PTPRD: variants seen among roughly 807,000 people sequenced by gnomAD.
PTPRD encodes the protein protein tyrosine phosphatase receptor type D.
A neutral mutation model predicts 214.5 loss-of-function variants in PTPRD; 34 were observed. The ratio of observed to expected loss-of-function variants is 0.16; its 90% CI spans 0.12 to 0.21. The LOEUF is 0.21. Among genes scored for constraint, PTPRD ranks in the 10% least tolerant of loss-of-function variants. The pLI is 1.00. For synonymous variants in PTPRD, 1,128 were observed against 845.7 expected, an observed-to-expected ratio of 1.33 and a Z score of -5.79; for missense variants, 2,545 against 2,398.7, an observed-to-expected ratio of 1.06 and a Z score of -1.27.
chr9:10,066,082 C>A (rs1055916865), intron 3 of PTPRD, among the ~76,000 whole-genome samples: 3 of 151,780 alleles, frequency 2.0e-5, no homozygotes, highest in African/African-American at 7.2e-5. Flanking sequence ...AATATTTGTC[C>A]CTAGTAAAGT....
intron 12 of PTPRD, among the ~76,000 whole-genome samples, chr9:8,720,393 T>C (rs10977260): frequency 0.058 from 8,818 of 152,224 alleles, 383 homozygotes; most frequent in Non-Finnish European, 0.094. Context: ...ACCCTCCTAT[T>C]ACTGATCAAA....
intron 39 of PTPRD, among the ~76,000 whole-genome samples, chr9:8,351,704 TA>T (rs1021497722): frequency 8.2e-6 from 1 of 122,318 alleles, no homozygotes; most frequent in African/African-American, 3.3e-5. Context: ...TAAGGGGATA[TA>T]GGAGTCATTG....
At chr9:9,531,279 G>C (rs1590883655) in intron 8 of PTPRD, among the ~76,000 whole-genome samples, 1 of 152,130 alleles carries the variant, frequency 6.6e-6, no homozygotes, top group African/African-American at 2.4e-5. Context: ...ACATGGATGA[G>C]TTACAAAGAT....
chr9:9,009,408 CTATTTTATTT>C (rs36233452), intron 11 of PTPRD, among the ~76,000 whole-genome samples: 88 of 151,446 alleles, frequency 5.8e-4, no homozygotes, highest in Non-Finnish European at 1.0e-3. Context: ...GCAGTTCTTT[CTATTTTATTT>C]TATTTTATTT....
At chr9:9,122,815 G>A (rs2099818871) in intron 10 of PTPRD, among the ~76,000 whole-genome samples, 2 of 151,864 alleles carry the variant, frequency 1.3e-5, no homozygotes, top group Non-Finnish European at 2.9e-5. Context: ...ACAATTCTGG[G>A]AAAACTCATC....
chr9:9,929,295 G>A (rs1344854448), intron 5 of PTPRD, among the ~76,000 whole-genome samples: 2 of 152,190 alleles, frequency 1.3e-5, no homozygotes, highest in Non-Finnish European at 2.9e-5. Flanking sequence ...AAGTTAACTT[G>A]AGTCTACTCA....
intron 9 of PTPRD, among the ~76,000 whole-genome samples, chr9:9,362,838 T>C (rs2056665546): frequency 6.6e-6 from 1 of 151,368 alleles, no homozygotes; most frequent in Admixed American, 6.6e-5. Flanking sequence ...CAGCTATACA[T>C]TTCTATGGAG....
At chr9:9,477,942 G>C (rs2095185068) in intron 8 of PTPRD, among the ~76,000 whole-genome samples, 1 of 152,116 alleles carries the variant, frequency 6.6e-6, no homozygotes, top group Admixed American at 6.5e-5. Context: ...AGATTGATTT[G>C]TGTATCTTCT....
chr9:8,608,622 C>T (rs1265036618), intron 14 of PTPRD, among the ~76,000 whole-genome samples: 1 of 152,016 alleles, frequency 6.6e-6, no homozygotes, highest in East Asian at 1.9e-4. Context: ...ATTAACTGTC[C>T]ACATATATCA....
intron 10 of PTPRD, among the ~76,000 whole-genome samples, chr9:9,041,082 A>G (rs1007827561): frequency 6.6e-6 from 1 of 152,122 alleles, no homozygotes; most frequent in Non-Finnish European, 1.5e-5. Context: ...AAATGCTATG[A>G]CTGTTTCATA....
intron 11 of PTPRD, among the ~76,000 whole-genome samples, chr9:8,782,176 A>AAC (rs1385505630): frequency 5.3e-5 from 8 of 150,422 alleles, no homozygotes; most frequent in African/African-American, 1.7e-4. Context: ...TATGGTATAA[A>AAC]ATTGCATATG....
chr9:8,815,622 A>G (rs1364461456), intron 11 of PTPRD, among the ~76,000 whole-genome samples: 1 of 152,180 alleles, frequency 6.6e-6, no homozygotes, highest in Non-Finnish European at 1.5e-5. Context: ...AAGTGTTGCA[A>G]TCTTTAAAAT....
intron 7 of PTPRD, among the ~76,000 whole-genome samples, chr9:9,605,617 T>G (rs192715176): frequency 6.6e-6 from 1 of 152,098 alleles, no homozygotes; most frequent in Non-Finnish European, 1.5e-5. Context: ...GCAAATTATA[T>G]AACAAAATTT....
intron 7 of PTPRD, among the ~76,000 whole-genome samples, chr9:9,586,090 G>A (rs370373074): frequency 1.3e-5 from 2 of 151,984 alleles, no homozygotes; most frequent in Admixed American, 6.6e-5. Context: ...GTTGTGGTTT[G>A]GTTTCCTGGG....
At chr9:8,964,836 T>G (rs1289262245) in intron 11 of PTPRD, among the ~76,000 whole-genome samples, 1 of 152,156 alleles carries the variant, frequency 6.6e-6, no homozygotes, top group African/African-American at 2.4e-5. Flanking sequence ...AAAATTAATT[T>G]GCATATAATT....
intron 2 of PTPRD, among the ~76,000 whole-genome samples, chr9:10,604,586 G>A (rs1383837170): frequency 6.6e-6 from 1 of 151,776 alleles, no homozygotes; most frequent in East Asian, 1.9e-4. Flanking sequence ...AACCACACAG[G>A]TATAAATGAT....
At chr9:8,944,657 T>C (rs890288128) in intron 11 of PTPRD, among the ~76,000 whole-genome samples, 3 of 152,078 alleles carry the variant, frequency 2.0e-5, no homozygotes, top group Non-Finnish European at 4.4e-5. Context: ...CACAGAAAGA[T>C]ACATTTTGCA....
chr9:9,364,726 T>A (rs1196456061), intron 9 of PTPRD, among the ~76,000 whole-genome samples: 4 of 151,478 alleles, frequency 2.6e-5, no homozygotes, highest in South Asian at 2.1e-4. Context: ...TATAAAGACC[T>A]TTAGGCTGCT....
chr9:10,354,578 T>C (rs961046486), intron 2 of PTPRD, among the ~76,000 whole-genome samples: 4 of 152,228 alleles, frequency 2.6e-5, no homozygotes, highest in Non-Finnish European at 4.4e-5. Flanking sequence ...TCAAATATGC[T>C]TTTACAAGAA....
Sources: allele counts gnomAD v4.1 joint callset (sites outside exome capture counted in the v4.1 genomes callset), GRCh38; gene constraint gnomAD v4.1.1; transcripts MANE v1.5; gene names NCBI Gene and HGNC (gene_info 2026-07-23, HGNC 2026-07-21).